Variants in DSC3 observed in about 807,000 individuals in gnomAD.
DSC3 encodes desmocollin 3.
Under a neutral mutation model 89.5 loss-of-function variants are expected in DSC3, and 97 were observed. That is an observed-to-expected ratio of 1.08 (90% CI 0.92 to 1.28). DSC3 has a LOEUF of 1.28. DSC3 is among the 50% of genes most tolerant of loss of function. DSC3 has a pLI of 0.00. For synonymous variants in DSC3, 436 were observed against 384.1 expected, an observed-to-expected ratio of 1.14 and a Z score of -1.58; for missense variants, 1,199 against 1,085.3, an observed-to-expected ratio of 1.10 and a Z score of -1.47.
chr18:30,998,412 G>A (rs1169287056), intron 14 of DSC3, among the ~76,000 whole-genome samples: 1 of 152,178 alleles, frequency 6.6e-6, no homozygotes, highest in Non-Finnish European at 1.5e-5. Flanking sequence ...AGGAGAGTGA[G>A]CAACTAAAGT....
intron 14 of DSC3, among the ~76,000 whole-genome samples, chr18:31,001,162 T>G: frequency 6.8e-6 from 1 of 147,396 alleles, no homozygotes; most frequent in East Asian, 2.1e-4. Context: ...TCCTAAGAAA[T>G]ATATAAGGAA....
At chr18:31,019,492 C>G (rs562654225) in intron 7 of DSC3, among the ~76,000 whole-genome samples, 1 of 152,286 alleles carries the variant, frequency 6.6e-6, no homozygotes, top group East Asian at 1.9e-4. Flanking sequence ...CTGCAGCAAT[C>G]ATCTAAAACA....
At chr18:31,008,556 C>A in intron 9 of DSC3, 31 bp from the exon 10 acceptor site, 1 of 1,612,182 alleles carries the variant, frequency 6.2e-7, no homozygotes, top group South Asian at 1.1e-5. Flanking sequence ...ATATCAGTGT[C>A]AGTGTAAAAT....
chr18:31,014,322 A>T (rs1985165598), intron 9 of DSC3, among the ~76,000 whole-genome samples: 1 of 152,112 alleles, frequency 6.6e-6, no homozygotes, highest in Non-Finnish European at 1.5e-5. Flanking sequence ...ACATGATAAG[A>T]TTACTTAAAC....
intron 8 of DSC3, 146 bp downstream of exon 8, chr18:31,018,520 T>C: frequency 1.1e-6 from 1 of 943,642 alleles, no homozygotes; most frequent in Non-Finnish European, 1.6e-6. Context: ...TAAATTTACA[T>C]ATCACTTGTT....
At chr18:31,034,425 T>G (rs1227590934) in intron 1 of DSC3, among the ~76,000 whole-genome samples, 4 of 152,198 alleles carry the variant, frequency 2.6e-5, no homozygotes, top group Non-Finnish European at 5.9e-5. Context: ...CCCTACACTT[T>G]GCTGGAGGAA....
At chr18:31,039,398 G>A (rs1027466521) in intron 1 of DSC3, among the ~76,000 whole-genome samples, 1 of 152,114 alleles carries the variant, frequency 6.6e-6, no homozygotes, top group African/African-American at 2.4e-5. Flanking sequence ...AGAAGAAAAA[G>A]AATGGAAATT....
intron 1 of DSC3, among the ~76,000 whole-genome samples, chr18:31,035,945 G>C (rs142933785): frequency 1.3e-5 from 2 of 152,036 alleles, no homozygotes; most frequent in East Asian, 3.9e-4. Context: ...GCATCCTTTT[G>C]CAGTTTGCTT....
intron 4 of DSC3, among the ~76,000 whole-genome samples, chr18:31,027,049 G>A (rs994926546): frequency 2.6e-5 from 4 of 151,920 alleles, no homozygotes; most frequent in African/African-American, 9.7e-5. Flanking sequence ...CTAGTAATTG[G>A]GATCTCAATA....
chr18:31,010,010 T>TA (rs1985003121), intron 9 of DSC3, among the ~76,000 whole-genome samples: 3 of 152,340 alleles, frequency 2.0e-5, no homozygotes, highest in Non-Finnish European at 4.4e-5. Flanking sequence ...TACTATAAAG[T>TA]TGAAGCACTT....
At chr18:30,996,717 T>C (rs2144672800) in intron 15 of DSC3, 74 bp downstream of exon 15, 7 of 1,578,792 alleles carry the variant, frequency 4.4e-6, no homozygotes, top group South Asian at 1.1e-5. Context: ...AGAAAATATA[T>C]GTTAATTTGA....
At chr18:31,032,593 TGTGC>T (rs1302043426) in intron 1 of DSC3, among the ~76,000 whole-genome samples, 56 of 111,176 alleles carry the variant, frequency 5.0e-4, no homozygotes, top group African/African-American at 2.1e-3. Flanking sequence ...TGTGTGTGCG[TGTGC>T]GTGTGCGTGT....
chr18:31,040,659 G>T (rs142235381), intron 1 of DSC3, among the ~76,000 whole-genome samples: 2 of 152,262 alleles, frequency 1.3e-5, no homozygotes, highest in East Asian at 3.9e-4. Flanking sequence ...ACAAGTCTCA[G>T]ATTCTTGTTA....
At position 31,022,489 on chromosome 18, in the gene DSC3, C is replaced by A. The variant is rs573762324; in HGVS notation, c.789G>T (p.Gly263=). 1.9e-6 allele frequency: 3 copies of A among 1,613,858 alleles called. No homozygotes were observed. The highest frequency in any genetic ancestry group is 1.3e-5 in the African/African-American group (1 of 74,874). ...LESSRPGTTV[G]VVCATDRDEP... ...CATCTCTGTCTGTGGCACAAACCAC[C>A]CCCACTGTAGTACCTACACATTAAA... Residue 263 remains glycine, a synonymous_variant, in exon 7 of 16, where the codon GGG becomes GGT. Coordinates refer to ENST00000360428, the MANE Select transcript of DSC3 (RefSeq NM_001941.5).
intron 4 of DSC3, 21 bp from the exon 5 acceptor site, chr18:31,025,936 T>C (rs746068443): frequency 5.0e-6 from 8 of 1,605,000 alleles, no homozygotes; most frequent in African/African-American, 4.0e-5. Flanking sequence ...AAAAAAAATA[T>C]GCAAAAAAAT....
chr18:31,023,636 CT>C (rs1233046153), intron 6 of DSC3, among the ~76,000 whole-genome samples: 1 of 152,040 alleles, frequency 6.6e-6, no homozygotes, highest in Admixed American at 6.6e-5. Context: ...CTACTGGAAA[CT>C]TTAAAAAGCA....
chr18:31,026,941 T>C (rs1985617988), intron 4 of DSC3, among the ~76,000 whole-genome samples: 1 of 152,060 alleles, frequency 6.6e-6, no homozygotes, highest in Non-Finnish European at 1.5e-5. Context: ...TGCTAAAAAA[T>C]AAAGAAACCT....
At chr18:31,035,521 G>C (rs1226040108) in intron 1 of DSC3, among the ~76,000 whole-genome samples, 1 of 151,890 alleles carries the variant, frequency 6.6e-6, no homozygotes, top group East Asian at 1.9e-4. Flanking sequence ...ACCTTGGGAT[G>C]AAAAATGGTT....
chr18:31,032,047 A>T, intron 2 of DSC3, 145 bp downstream of exon 2: 3 of 655,696 alleles, frequency 4.6e-6, no homozygotes. Context: ...TTTTAACAGA[A>T]TGATAACTTC....
Sources: gnomAD v4.1 joint callset for allele counts (sites outside exome capture counted in the v4.1 genomes callset) on GRCh38, gnomAD v4.1.1 for gene constraint, MANE v1.5 for transcripts, NCBI Gene and HGNC (gene_info 2026-07-23, HGNC 2026-07-21) for gene names.